OTOGL: variants seen among roughly 807,000 people sequenced by gnomAD.
OTOGL encodes otogelin like.
A neutral mutation model predicts 318.5 loss-of-function variants in OTOGL; 285 were observed. The observed-to-expected ratio is 0.89, with a 90% CI of 0.81 to 0.99. The LOEUF (loss-of-function observed/expected upper bound fraction) is 0.99. Ranked by LOEUF, OTOGL falls within the 50% of genes least tolerant of loss-of-function variation. OTOGL has a pLI of 0.00. For synonymous variants in OTOGL, 987 were observed against 936.5 expected (o/e 1.05, Z -0.99); for missense variants, 2,899 against 2,845.6 (o/e 1.02, Z -0.43).
At chr12:80,229,417 A>G (rs1342481681) in intron 8 of OTOGL, 39 bp downstream of exon 8, 1 of 1,560,184 alleles carries the variant, frequency 6.4e-7, no homozygotes, top group Admixed American at 1.7e-5. Flanking sequence ...GTAACACCAC[A>G]AATTAATAGA....
chr12:80,204,731 A>G (rs935738337), intron 1 of OTOGL, among the ~76,000 whole-genome samples: 6 of 152,158 alleles, frequency 3.9e-5, no homozygotes, highest in African/African-American at 1.4e-4. Flanking sequence ...TAAGTTCACT[A>G]GAATGTAAGG....
chr12:80,167,532 A>G (rs1264359258), intron 1 of OTOGL, among the ~76,000 whole-genome samples: 2 of 152,206 alleles, frequency 1.3e-5, no homozygotes, highest in African/African-American at 2.4e-5. Flanking sequence ...TGAGATAGAT[A>G]TTAATTTGGG....
intron 43 of OTOGL, among the ~76,000 whole-genome samples, chr12:80,341,161 G>C (rs1249353848): frequency 1.3e-5 from 2 of 151,972 alleles, no homozygotes; most frequent in Non-Finnish European, 2.9e-5. Flanking sequence ...TGTAGGCCTG[G>C]TCTCATTACT....
At chr12:80,183,437 A>G (rs1875069471) in intron 1 of OTOGL, among the ~76,000 whole-genome samples, 1 of 152,232 alleles carries the variant, frequency 6.6e-6, no homozygotes, top group Non-Finnish European at 1.5e-5. Flanking sequence ...AATTACGTCT[A>G]TCACCTACTA....
intron 48 of OTOGL, 50 bp from the exon 49 acceptor site, chr12:80,356,757 A>AT (rs765996995): frequency 1.3e-5 from 15 of 1,190,412 alleles, no homozygotes; most frequent in Middle Eastern, 2.0e-4. Flanking sequence ...ACACTATGTC[A>AT]TTTTTTTATT....
In OTOGL at chr12:80,314,299, T is replaced by C; in HGVS notation, c.3608-6T>C. Reference sequence around the variant, plus strand: ...TAGTTTAATATTTATTCTTTTTTTCTTTTAGCACTTGATTGTGAATACTAC... The same window carrying C: ...TAGTTTAATATTTATTCTTTTTTTCCTTTAGCACTTGATTGTGAATACTAC... On this transcript the variant is annotated splice_region_variant and splice_polypyrimidine_tract_variant and intron_variant, in intron 31 of 58. Transcript: ENST00000547103. The C allele has an allele frequency of 9.7e-7, 1 of 1,031,486 alleles. No individual in the cohort carries two copies. Among genetic ancestry groups the C allele is most frequent in the Admixed American group, 3.7e-5 (1 of 27,280 alleles). 63.9% of individuals were successfully genotyped at this position (1,031,486 alleles called of 1,614,324 possible). A position where few individuals can be genotyped will look rare whatever the true frequency, so the allele number is the denominator to read the frequency against.
intron 54 of OTOGL, 36 bp from the exon 55 acceptor site, chr12:80,368,169 G>T (rs750597065): frequency 1.4e-6 from 2 of 1,396,488 alleles, no homozygotes; most frequent in Non-Finnish European, 2.0e-6. Flanking sequence ...TAAAAATATT[G>T]ATATGGTGTC....
intron 1 of OTOGL, among the ~76,000 whole-genome samples, chr12:80,193,237 G>A (rs1173909609): frequency 5.3e-5 from 8 of 152,114 alleles, no homozygotes; most frequent in African/African-American, 1.7e-4. Context: ...AGGTAAGCAG[G>A]CCAGGTATAG....
intron 4 of OTOGL, among the ~76,000 whole-genome samples, chr12:80,215,040 A>G (rs1196735824): frequency 6.6e-6 from 1 of 152,116 alleles, no homozygotes; most frequent in Non-Finnish European, 1.5e-5. Context: ...TCCATAAAGG[A>G]GATGTGGATT....
chr12:80,279,600 A>T (rs1884065671), intron 26 of OTOGL, among the ~76,000 whole-genome samples: 1 of 148,168 alleles, frequency 6.7e-6, no homozygotes, highest in Admixed American at 6.7e-5. Context: ...CTCCAGCTGC[A>T]TCCATGTTGC....
chr12:80,290,097 G>T (rs1030238924), intron 26 of OTOGL, among the ~76,000 whole-genome samples: 1 of 152,154 alleles, frequency 6.6e-6, no homozygotes, highest in African/African-American at 2.4e-5. Flanking sequence ...ATCTGGGCTG[G>T]ATAGCACAGC....
At position 80,305,618 on chromosome 12, in the gene OTOGL, T is replaced by G. The variant is rs1457626051; in HGVS notation, c.3256T>G (p.Ser1086Ala). 6.3e-7 allele frequency: 1 copy of G among 1,579,624 alleles called. No homozygotes were observed. The highest frequency in any genetic ancestry group is 8.5e-7 in the Non-Finnish European group (1 of 1,172,632). ...GLCGNFDKCTSNDMTTSNNLE... is the reference protein window; with the variant it reads ...GLCGNFDKCTANDMTTSNNLE... ...GTGTGGAAACTTTGACAAATGCACTTCAAATGATATGACCACATCTAATAA... is the reference window on the plus strand; with the variant it reads ...GTGTGGAAACTTTGACAAATGCACTGCAAATGATATGACCACATCTAATAA... Residue 1086 changes from serine (S) to alanine (A), a missense_variant, in exon 29 of 59, where the codon TCA (serine) becomes GCA (alanine). Ser to Ala is a moderately conservative substitution (Grantham distance 99). Coordinates refer to ENST00000547103, the MANE Select transcript of OTOGL (RefSeq NM_001378609.3).
chr12:80,336,710 A>G (rs1011837698), intron 40 of OTOGL, 87 bp from the exon 41 acceptor site: 1 of 1,408,100 alleles, frequency 7.1e-7, no homozygotes, highest in Admixed American at 2.5e-5. Context: ...AACCTTTCTT[A>G]TCAATCTATT....
chr12:80,303,368 G>A (rs1372476245), intron 28 of OTOGL, among the ~76,000 whole-genome samples: 1 of 152,136 alleles, frequency 6.6e-6, no homozygotes, highest in Non-Finnish European at 1.5e-5. Flanking sequence ...TGTTAGCCAG[G>A]GTGGTCTTGA....
intron 44 of OTOGL, among the ~76,000 whole-genome samples, chr12:80,349,625 C>T (rs1397631428): frequency 3.3e-5 from 5 of 151,944 alleles, no homozygotes; most frequent in Admixed American, 6.6e-5. Context: ...TCTGAGAGAT[C>T]GCGGAGGGTT....
intron 23 of OTOGL, 110 bp from the exon 24 acceptor site, chr12:80,271,538 C>A: frequency 9.2e-7 from 1 of 1,086,346 alleles, no homozygotes; most frequent in Non-Finnish European, 1.3e-6. Flanking sequence ...AGCTAACATT[C>A]TCAAACTCAA....
At chr12:80,132,704 C>G (rs1396912069) in intron 1 of OTOGL, 1 of 152,176 alleles carries the variant, frequency 6.6e-6, no homozygotes, top group African/African-American at 2.4e-5. Context: ...GATTCGACCA[C>G]TTACAAATTA....
At position 80,304,486 on chromosome 12, in the gene OTOGL, A is replaced by G. The variant is rs535483416; in HGVS notation, c.3214-1090A>G. On this transcript the variant is annotated intron_variant, in intron 28 of 58. Transcript: ENST00000547103. Reference sequence around the variant, plus strand: ...ATTTTTGTCAAAGAAAAATTGGAATAGCAACAATATCTTCTCAAAAATACA... The same window carrying G: ...ATTTTTGTCAAAGAAAAATTGGAATGGCAACAATATCTTCTCAAAAATACA... Among the ~76,000 whole-genome samples, 34 of 152,318 alleles carry G rather than the reference A, an allele frequency of 2.2e-4. No homozygotes were observed. The South Asian group carries it at 4.6e-3, about 20-fold the overall frequency.
chr12:80,259,844 A>T (rs1033288154), intron 18 of OTOGL, among the ~76,000 whole-genome samples: 2 of 152,064 alleles, frequency 1.3e-5, no homozygotes, highest in Non-Finnish European at 2.9e-5. Context: ...TTTAAAAAAC[A>T]TTCTTGCCCA....
Sources: gnomAD v4.1 joint callset for allele counts (sites outside exome capture counted in the v4.1 genomes callset) on GRCh38, gnomAD v4.1.1 for gene constraint, MANE v1.5 for transcripts, NCBI Gene and HGNC (gene_info 2026-07-23, HGNC 2026-07-21) for gene names.